Variants in PAPPA2 observed in about 807,000 individuals in gnomAD.
PAPPA2 encodes pappalysin-2.
In PAPPA2, 86 loss-of-function variants were observed where a neutral mutation model predicts 176.4. That is an observed-to-expected ratio of 0.49 (90% CI 0.41 to 0.58). The LOEUF (loss-of-function observed/expected upper bound fraction) is 0.58. PAPPA2 is among the 20% of genes least tolerant of loss of function. PAPPA2 has a pLI of 0.00. For synonymous variants in PAPPA2, 809 were observed against 852.2 expected, an observed-to-expected ratio of 0.95 and a Z score of 0.88; for missense variants, 2,073 against 2,256.9, an observed-to-expected ratio of 0.92 and a Z score of 1.65.
At chr1:176,841,936 C>T (rs1222414767) in intron 22 of PAPPA2, among the ~76,000 whole-genome samples, 1 of 152,166 alleles carries the variant, frequency 6.6e-6, no homozygotes, top group African/African-American at 2.4e-5. Flanking sequence ...CACCCCACAT[C>T]TCTTGCCCTT....
chr1:176,638,707 G>T (rs910401739), intron 3 of PAPPA2, among the ~76,000 whole-genome samples: 3 of 151,928 alleles, frequency 2.0e-5, no homozygotes, highest in Non-Finnish European at 4.4e-5. Context: ...TGCTATATTG[G>T]CTCTGATCAG....
At chr1:176,825,757 T>C (rs564997784) in intron 21 of PAPPA2, among the ~76,000 whole-genome samples, 1 of 152,348 alleles carries the variant, frequency 6.6e-6, no homozygotes, top group African/African-American at 2.4e-5. Context: ...ATCCCCATAG[T>C]TGAGCAAGGT....
intron 14 of PAPPA2, among the ~76,000 whole-genome samples, chr1:176,750,748 A>C (rs1402765747): frequency 1.3e-5 from 2 of 152,212 alleles, no homozygotes; most frequent in African/African-American, 4.8e-5. Context: ...GAGAAAATTG[A>C]GGAAGAGAAA....
In PAPPA2 at chr1:176,764,722, T is replaced by G. The variant is rs970200107; in HGVS notation, c.4152-944T>G. Reference sequence around the variant, plus strand: ...CGCCATTCTCCTGCCTCAGCCTCCCTAGTAGCTGGGACTACAGGTGCCTGC... The same window carrying G: ...CGCCATTCTCCTGCCTCAGCCTCCCGAGTAGCTGGGACTACAGGTGCCTGC... On this transcript the variant is annotated intron_variant, in intron 14 of 22. Transcript: ENST00000367662. Among the ~76,000 whole-genome samples the G allele has an allele frequency of 3.3e-5, 5 of 151,308 alleles. No individual in the cohort carries two copies. In the East Asian group the frequency reaches 5.9e-4, roughly 18 times the overall value.
chr1:176,683,577 A>T (rs985578708), intron 4 of PAPPA2, among the ~76,000 whole-genome samples: 1 of 152,102 alleles, frequency 6.6e-6, no homozygotes, highest in East Asian at 1.9e-4. Flanking sequence ...TATGCCTGTT[A>T]TGCTTGGGGC....
intron 12 of PAPPA2, among the ~76,000 whole-genome samples, chr1:176,719,108 C>G (rs1368878629): frequency 6.6e-6 from 1 of 152,000 alleles, no homozygotes; most frequent in Non-Finnish European, 1.5e-5. Flanking sequence ...GCAGTCTTTA[C>G]TTAGCCTGGT....
At chr1:176,657,299 G>T (rs1445033107) in intron 3 of PAPPA2, among the ~76,000 whole-genome samples, 2 of 151,934 alleles carry the variant, frequency 1.3e-5, no homozygotes, top group Non-Finnish European at 2.9e-5. Flanking sequence ...CAGTGGCCCG[G>T]ATAAGAGAGA....
At chr1:176,686,841 AT>A (rs1353332583) in intron 4 of PAPPA2, among the ~76,000 whole-genome samples, 1 of 152,108 alleles carries the variant, frequency 6.6e-6, no homozygotes, top group Non-Finnish European at 1.5e-5. Context: ...AGATGAAGAG[AT>A]TAGGGGAAAG....
chr1:176,777,172 A>G (rs890869901), intron 17 of PAPPA2, among the ~76,000 whole-genome samples: 4 of 152,194 alleles, frequency 2.6e-5, no homozygotes, highest in Non-Finnish European at 5.9e-5. Flanking sequence ...GAGAAGAGCA[A>G]CACTTTGGTA....
At chr1:176,662,834 A>C (rs1658431693) in intron 3 of PAPPA2, among the ~76,000 whole-genome samples, 1 of 152,168 alleles carries the variant, frequency 6.6e-6, no homozygotes, top group South Asian at 2.1e-4. Context: ...AATTTAGTAA[A>C]GCTTGAAATT....
intron 1 of PAPPA2, among the ~76,000 whole-genome samples, chr1:176,517,612 G>A (rs1191896533): frequency 1.3e-5 from 2 of 152,166 alleles, no homozygotes; most frequent in Non-Finnish European, 2.9e-5. Flanking sequence ...GGGGACTGAT[G>A]CAATTAAAAA....
chr1:176,574,826 C>T (rs1480522167), intron 2 of PAPPA2, among the ~76,000 whole-genome samples: 1 of 152,140 alleles, frequency 6.6e-6, no homozygotes, highest in Admixed American at 6.5e-5. Context: ...TGTACCTTTT[C>T]TATGTTTAGG....
chr1:176,791,329 T>G lies in PAPPA2; in HGVS notation c.4885-18T>G. 1 of 1,602,296 alleles carries G rather than the reference T, an allele frequency of 6.2e-7. No homozygotes were observed. On this transcript the variant is annotated intron_variant, in intron 18 of 22. Coordinates refer to ENST00000367662, the MANE Select transcript of PAPPA2 (RefSeq NM_020318.3). ...GTTAACAAAACAATAATTAAGATGT[T>G]TACTTTTGATATTCTAGCTTCCCAT...
At chr1:176,487,420 T>G (rs1332471669) in intron 1 of PAPPA2, among the ~76,000 whole-genome samples, 3 of 152,208 alleles carry the variant, frequency 2.0e-5, no homozygotes, top group African/African-American at 7.2e-5. Flanking sequence ...TTTGCTAGAG[T>G]TGGTTTGATT....
At chr1:176,493,094 G>T (rs1647383488) in intron 1 of PAPPA2, among the ~76,000 whole-genome samples, 1 of 152,050 alleles carries the variant, frequency 6.6e-6, no homozygotes, top group South Asian at 2.1e-4. Context: ...AAAAACACTG[G>T]ATAAGAAAAC....
At chr1:176,650,581 C>T (rs1052750844) in intron 3 of PAPPA2, among the ~76,000 whole-genome samples, 1 of 151,518 alleles carries the variant, frequency 6.6e-6, no homozygotes, top group Non-Finnish European at 1.5e-5. Flanking sequence ...ATGACAGGCC[C>T]CAGTGTGTGA....
chr1:176,544,386 C>G (rs1478077675), intron 1 of PAPPA2, among the ~76,000 whole-genome samples: 1 of 152,168 alleles, frequency 6.6e-6, no homozygotes, highest in East Asian at 1.9e-4. Flanking sequence ...GTTATATTAA[C>G]ACTTGATTTG....
intron 1 of PAPPA2, among the ~76,000 whole-genome samples, chr1:176,505,939 A>T (rs918193194): frequency 5.5e-4 from 84 of 152,202 alleles, no homozygotes; most frequent in African/African-American, 2.0e-3. Context: ...GAGCTCACAA[A>T]AGGCTGGAAG....
chr1:176,647,431 TC>T (rs1354374494), intron 3 of PAPPA2, among the ~76,000 whole-genome samples: 1 of 151,732 alleles, frequency 6.6e-6, no homozygotes, highest in Non-Finnish European at 1.5e-5. Context: ...ATCTCATTTG[TC>T]CAGTTTTGTT....
Sources: allele counts gnomAD v4.1 joint callset (sites outside exome capture counted in the v4.1 genomes callset), GRCh38; gene constraint gnomAD v4.1.1; transcripts MANE v1.5; gene names NCBI Gene and HGNC (gene_info 2026-07-23, HGNC 2026-07-21).